The following MOB3B variants were observed in gnomAD, a reference collection of about 807,000 sequenced individuals.
MOB3B encodes the protein MOB kinase activator-like 2B.
Under a neutral mutation model 18.7 loss-of-function variants are expected in MOB3B, and 7 were observed. The ratio of observed to expected loss-of-function variants is 0.37; its 90% CI spans 0.21 to 0.70. The LOEUF (loss-of-function observed/expected upper bound fraction) is 0.70, where lower values mean the gene tolerates loss of function less well. MOB3B is among the 30% of genes least tolerant of loss of function. The probability of loss-of-function intolerance (pLI) is 0.52; values close to 1 mark genes in which losing one functional copy is unlikely to be tolerated. For missense variants in MOB3B, 253 were observed against 281.3 expected, an observed-to-expected ratio of 0.90 and a Z score of 0.72; for synonymous variants, 111 against 99.9, an observed-to-expected ratio of 1.11 and a Z score of -0.66.
intron 2 of MOB3B, among the ~76,000 whole-genome samples, chr9:27,371,316 T>C (rs369972572): frequency 2.6e-5 from 4 of 152,304 alleles, no homozygotes; most frequent in South Asian, 4.1e-4. Flanking sequence ...ACAGTGACCC[T>C]TCTGAAATGA....
intron 2 of MOB3B, among the ~76,000 whole-genome samples, chr9:27,447,994 G>C (rs1822720204): frequency 6.6e-6 from 1 of 152,170 alleles, no homozygotes; most frequent in Admixed American, 6.5e-5. Context: ...ATCAGGTGCA[G>C]GGCCCTGGGT....
At chr9:27,525,612 G>A (rs759883188) in intron 1 of MOB3B, among the ~76,000 whole-genome samples, 8 of 152,120 alleles carry the variant, frequency 5.3e-5, no homozygotes, top group Non-Finnish European at 8.8e-5. Context: ...TTTAACCTTT[G>A]AGAGTCTGTG....
At chr9:27,437,855 C>T (rs149272154) in intron 2 of MOB3B, among the ~76,000 whole-genome samples, 74 of 152,282 alleles carry the variant, frequency 4.9e-4, no homozygotes, top group African/African-American at 1.6e-3. Context: ...CTGGAAACTT[C>T]TTCTTAAAGC....
At chr9:27,443,899 A>T (rs1442265214) in intron 2 of MOB3B, among the ~76,000 whole-genome samples, 1 of 152,188 alleles carries the variant, frequency 6.6e-6, no homozygotes, top group Non-Finnish European at 1.5e-5. Context: ...ATCCTTTCAG[A>T]ACAGTGAAGA....
intron 1 of MOB3B, among the ~76,000 whole-genome samples, chr9:27,478,248 G>GA (rs1819585608): frequency 6.6e-6 from 1 of 152,104 alleles, no homozygotes; most frequent in Non-Finnish European, 1.5e-5. Flanking sequence ...GACTCCCTCA[G>GA]AATAAACAAT....
chr9:27,479,924 G>A (rs1819621303), intron 1 of MOB3B, among the ~76,000 whole-genome samples: 1 of 152,084 alleles, frequency 6.6e-6, no homozygotes, highest in African/African-American at 2.4e-5. Context: ...GGATGTGGTG[G>A]TACGTATCTA....
chr9:27,523,158 T>A (rs998198574), intron 1 of MOB3B, among the ~76,000 whole-genome samples: 6 of 152,192 alleles, frequency 3.9e-5, no homozygotes, highest in African/African-American at 1.2e-4. Context: ...GCTACCTTTT[T>A]AAAATGACAA....
intron 2 of MOB3B, chr9:27,378,531 G>T: frequency 2.1e-6 from 1 of 471,080 alleles, no homozygotes; most frequent in Non-Finnish European, 4.4e-6. Flanking sequence ...GGAACCAGGG[G>T]GCAGCTTGGC....
rs749495396 is a variant in MOB3B at position 27,326,780 on chromosome 9, G to C, written c.*3807C>G. On this transcript the variant is annotated 3_prime_UTR_variant, in exon 4 of 4. Transcript: ENST00000262244. ...AGATCAGTATTTCTCAATTACAGCC[G>C]TGTAAGACATTTTCTTCCTAATCAT... 2.5e-6 allele frequency: 1 copy of C among 394,476 alleles called. No individual in the cohort carries two copies. Among genetic ancestry groups the C allele is most frequent in the African/African-American group, 2.1e-5 (1 of 48,510 alleles). The allele number at this position is 394,476 out of a possible 1,614,324, so 24.4% of individuals were successfully genotyped here.
At position 27,353,672 on chromosome 9, in the gene MOB3B, G is replaced by A. The variant is rs1446550850; in HGVS notation, c.621+5362C>T. Reference sequence around the variant, plus strand: ...AGGGTAAACAAGTCCCCTCCTGTCTGTCCTCCCCACCTCACGAATCTCTGT... The same window carrying A: ...AGGGTAAACAAGTCCCCTCCTGTCTATCCTCCCCACCTCACGAATCTCTGT... On this transcript the variant is annotated intron_variant, in intron 3 of 3. Transcript: ENST00000262244. Among the ~76,000 whole-genome samples the A allele has an allele frequency of 4.6e-5, 7 of 152,210 alleles. No individual in the cohort carries two copies. In the East Asian group the frequency reaches 1.4e-3, roughly 29 times the overall value.
At chr9:27,516,352 G>A (rs1177616355) in intron 1 of MOB3B, among the ~76,000 whole-genome samples, 5 of 152,174 alleles carry the variant, frequency 3.3e-5, no homozygotes, top group Non-Finnish European at 5.9e-5. Flanking sequence ...AGTGATGACT[G>A]CCAAGAACTC....
intron 2 of MOB3B, among the ~76,000 whole-genome samples, chr9:27,435,305 C>A (rs1167026037): frequency 6.6e-6 from 1 of 152,112 alleles, no homozygotes; most frequent in African/African-American, 2.4e-5. Context: ...GTATTCATTT[C>A]TCTGGGGTTT....
chr9:27,467,560 T>C (rs1288083961), intron 1 of MOB3B, among the ~76,000 whole-genome samples: 2 of 152,236 alleles, frequency 1.3e-5, no homozygotes, highest in East Asian at 3.8e-4. Context: ...GGAAGCACCA[T>C]TTCCCCACTC....
intron 2 of MOB3B, chr9:27,397,321 T>G (rs1370684455): frequency 2.7e-5 from 4 of 150,840 alleles, no homozygotes; most frequent in African/African-American, 7.3e-5. Context: ...AAAAAAAAGA[T>G]CATCAAGATT....
At chr9:27,343,095 A>G (rs2131341055) in intron 3 of MOB3B, among the ~76,000 whole-genome samples, 1 of 152,122 alleles carries the variant, frequency 6.6e-6, no homozygotes, top group Non-Finnish European at 1.5e-5. Context: ...TGTAGAAAGA[A>G]GTAGACATGG....
intron 3 of MOB3B, among the ~76,000 whole-genome samples, chr9:27,350,936 G>A (rs1185379775): frequency 7.0e-6 from 1 of 143,734 alleles, no homozygotes; most frequent in Non-Finnish European, 1.5e-5. Flanking sequence ...AAGTCTCGCT[G>A]TTGTGCCCCA....
At chr9:27,525,923 G>A (rs1171900535) in intron 1 of MOB3B, 1 of 151,956 alleles carries the variant, frequency 6.6e-6, no homozygotes, top group Non-Finnish European at 1.5e-5. Flanking sequence ...TACTTTTCTA[G>A]CACGGCCCTT....
intron 2 of MOB3B, among the ~76,000 whole-genome samples, chr9:27,374,005 A>G (rs1821457193): frequency 6.6e-6 from 1 of 152,152 alleles, no homozygotes; most frequent in Admixed American, 6.5e-5. Context: ...ATCTGTTTAA[A>G]CCTGGTTCAA....
chr9:27,480,649 C>T (rs1254357966), intron 1 of MOB3B, among the ~76,000 whole-genome samples: 1 of 151,304 alleles, frequency 6.6e-6, no homozygotes, highest in Non-Finnish European at 1.5e-5. Flanking sequence ...CCATGTTGGC[C>T]AGGATGGTCT....
Sources: allele counts gnomAD v4.1 joint callset (sites outside exome capture counted in the v4.1 genomes callset), GRCh38; gene constraint gnomAD v4.1.1; transcripts MANE v1.5; gene names NCBI Gene and HGNC (gene_info 2026-07-23, HGNC 2026-07-21).